SGPP1: variants seen among roughly 807,000 people sequenced by gnomAD.
SGPP1 encodes the protein sphingosine-1-phosphate phosphatase 1, also known as hSPP1.
A neutral mutation model predicts 33.0 loss-of-function variants in SGPP1; 21 were observed. The observed-to-expected ratio is 0.64, with a 90% CI of 0.45 to 0.92. The LOEUF (loss-of-function observed/expected upper bound fraction) is 0.92. SGPP1 is among the 40% of genes least tolerant of loss of function. The probability of loss-of-function intolerance (pLI) is 0.00; values close to 1 mark genes in which losing one functional copy is unlikely to be tolerated. For missense variants in SGPP1, 543 were observed against 589.4 expected, an observed-to-expected ratio of 0.92 and a Z score of 0.81; for synonymous variants, 239 against 241.2, an observed-to-expected ratio of 0.99 and a Z score of 0.08.
intron 1 of SGPP1, among the ~76,000 whole-genome samples, chr14:63,720,058 G>C (rs1383513342): frequency 6.6e-6 from 1 of 151,282 alleles, no homozygotes; most frequent in Non-Finnish European, 1.5e-5. Flanking sequence ...CCCAGGAGGG[G>C]GAGGTTGCAG....
In SGPP1 at chr14:63,727,996, G is replaced by A. The variant is rs1885929230; in HGVS notation, c.-52C>T. On this transcript the variant is annotated 5_prime_UTR_variant, in exon 1 of 3. Coordinates refer to ENST00000247225, the MANE Select transcript of SGPP1 (RefSeq NM_030791.4). ...CCGGCCTCCGGCGCAGCCCCGAACT[G>A]TCCCCGCGCTCCTGGCCAGCGGCAG... 11 of 1,480,556 alleles carry A rather than the reference G, an allele frequency of 7.4e-6. No individual in the cohort carries two copies. Among genetic ancestry groups the A allele is most frequent in the Non-Finnish European group, 8.9e-6 (10 of 1,122,200 alleles). The allele number at this position is 1,480,556 out of a possible 1,614,324, so 91.7% of individuals were successfully genotyped here. A position where few individuals can be genotyped will look rare whatever the true frequency, so the allele number is the denominator to read the frequency against.
chr14:63,723,396 T>C (rs1377215365), intron 1 of SGPP1, among the ~76,000 whole-genome samples: 1 of 152,142 alleles, frequency 6.6e-6, no homozygotes, highest in Non-Finnish European at 1.5e-5. Context: ...GCTATACTAT[T>C]CCAATCTCTC....
Position 63,684,608 on chromosome 14 carries a change from A to G in SGPP1, c.*1497T>C, listed in dbSNP as rs776721700. On this transcript the variant is annotated 3_prime_UTR_variant, in exon 3 of 3. Coordinates refer to ENST00000247225, the MANE Select transcript of SGPP1 (RefSeq NM_030791.4). ...AAATAGTTATGGTGCCCAAAATAGAAACATCTGAAGTGATAGTTCTGGATA... is the reference window on the plus strand; with the variant it reads ...AAATAGTTATGGTGCCCAAAATAGAGACATCTGAAGTGATAGTTCTGGATA... The G allele has an allele frequency of 6.6e-6, 1 of 152,528 alleles. No homozygotes were observed. Among genetic ancestry groups the G allele is most frequent in the Non-Finnish European group, 1.5e-5 (1 of 67,930 alleles). The allele number at this position is 152,528 out of a possible 1,614,324, so 9.4% of individuals were successfully genotyped here. A position where few individuals can be genotyped will look rare whatever the true frequency, so the allele number is the denominator to read the frequency against.
In SGPP1 at chr14:63,684,864, C is replaced by T. The variant is rs1357938150; in HGVS notation, c.*1241G>A. 6.6e-6 allele frequency: 1 copy of T among 152,352 alleles called. No individual in the cohort carries two copies. Among genetic ancestry groups the T allele is most frequent in the Non-Finnish European group, 1.5e-5 (1 of 67,860 alleles). The allele number at this position is 152,352 out of a possible 1,614,324, so 9.4% of individuals were successfully genotyped here. A position where few individuals can be genotyped will look rare whatever the true frequency, so the allele number is the denominator to read the frequency against. The stretch of plus-strand genomic sequence containing the variant: ...TGAAAAAATAATAGGATCTAAAATA[C>T]TGATACTAATTTTAGGTTTTATAAT... On this transcript the variant is annotated 3_prime_UTR_variant, in exon 3 of 3. Transcript: ENST00000247225.
Position 63,693,716 on chromosome 14 carries a change from C to G in SGPP1, c.774+4853G>C, listed in dbSNP as rs531939665. Among the ~76,000 whole-genome samples, 21 of 152,252 alleles carry G rather than the reference C, an allele frequency of 1.4e-4. 1 individual carries two copies. Among genetic ancestry groups the G allele is most frequent in the African/African-American group, 4.1e-4 (17 of 41,552 alleles). On this transcript the variant is annotated intron_variant, in intron 2 of 2. Coordinates refer to ENST00000247225, the MANE Select transcript of SGPP1 (RefSeq NM_030791.4). The stretch of plus-strand genomic sequence containing the variant: ...GCAGCCTCAATCTTCCTGGCTCAAG[C>G]AATCCTCCCACCTTGACCTCGTGAG...
At chr14:63,711,108 G>A (rs961031964) in intron 1 of SGPP1, among the ~76,000 whole-genome samples, 1 of 151,464 alleles carries the variant, frequency 6.6e-6, no homozygotes, top group Non-Finnish European at 1.5e-5. Flanking sequence ...CTGCCTCCCG[G>A]GTTCAAGCGA....
chr14:63,718,726 T>G (rs919850115), intron 1 of SGPP1, among the ~76,000 whole-genome samples: 1 of 151,420 alleles, frequency 6.6e-6, no homozygotes, highest in Non-Finnish European at 1.5e-5. Flanking sequence ...ATATGCCTAC[T>G]AGGTACCCAT....
chr14:63,724,957 G>A (rs1020768159), intron 1 of SGPP1, among the ~76,000 whole-genome samples: 5 of 151,070 alleles, frequency 3.3e-5, no homozygotes, highest in Admixed American at 2.0e-4. Flanking sequence ...TTCGAGACCA[G>A]CCTAGGCAAT....
Position 63,728,010 on chromosome 14 carries a change from G to C in SGPP1, c.-66C>G. The C allele has an allele frequency of 1.4e-6, 2 of 1,435,888 alleles. No homozygotes were observed. Among genetic ancestry groups the C allele is most frequent in the South Asian group, 1.4e-5 (1 of 73,476 alleles). The allele number at this position is 1,435,888 out of a possible 1,614,324, so 88.9% of individuals were successfully genotyped here. On this transcript the variant is annotated 5_prime_UTR_variant, in exon 1 of 3. Coordinates refer to ENST00000247225, the MANE Select transcript of SGPP1 (RefSeq NM_030791.4). ...AGCCCCGAACTGTCCCCGCGCTCCT[G>C]GCCAGCGGCAGCGGAACCGGCACAG...
Position 63,727,871 on chromosome 14 carries a change from C to A in SGPP1, c.74G>T (p.Arg25Leu). ...CGGCGGCGCTTCCACCCCGCACAGCCGCTGGAAACGGGCCACTTTCTGCGG... is the reference window on the plus strand; with the variant it reads ...CGGCGGCGCTTCCACCCCGCACAGCAGCTGGAAACGGGCCACTTTCTGCGG... ...QDPQKVARFQ[R>L]LCGVEAPPRR... is the part of the protein sequence containing the mutation. Residue 25 changes from arginine (R) to leucine (L), a missense_variant, in exon 1 of 3, where the codon CGG becomes CTG. By Grantham distance (102) the Arg-to-Leu change is moderately radical. Transcript: ENST00000247225. 6.6e-7 allele frequency: 1 copy of A among 1,522,928 alleles called. No homozygotes were observed. 94.3% of individuals were successfully genotyped at this position (1,522,928 alleles called of 1,614,324 possible). A position where few individuals can be genotyped will look rare whatever the true frequency, so the allele number is the denominator to read the frequency against.
In SGPP1 at chr14:63,693,803, G is replaced by A. The variant is rs143114016; in HGVS notation, c.774+4766C>T. Among the ~76,000 whole-genome samples the A allele has an allele frequency of 4.3e-3, 656 of 152,066 alleles. 7 individuals carry two copies. The highest frequency in any genetic ancestry group is 0.015 in the African/African-American group (603 of 41,480). Reference sequence around the variant, plus strand: ...TTATTTTTTAATTTTTTATAGAGACGAAGTCTCCCTACATTGCCCAGGTTG... The same window carrying A: ...TTATTTTTTAATTTTTTATAGAGACAAAGTCTCCCTACATTGCCCAGGTTG... On this transcript the variant is annotated intron_variant, in intron 2 of 2. Transcript: ENST00000247225.
chr14:63,721,323 C>T (rs1157662300), intron 1 of SGPP1, among the ~76,000 whole-genome samples: 2 of 151,908 alleles, frequency 1.3e-5, no homozygotes, highest in Non-Finnish European at 2.9e-5. Context: ...ACACACCTGT[C>T]ATCCCAGCTA....
intron 2 of SGPP1, among the ~76,000 whole-genome samples, chr14:63,692,386 A>G (rs566677175): frequency 6.6e-6 from 1 of 152,368 alleles, no homozygotes; most frequent in South Asian, 2.1e-4. Context: ...CACAGTTGTT[A>G]TAAAAATTAA....
chr14:63,712,047 AT>A (rs1438523857), intron 1 of SGPP1, among the ~76,000 whole-genome samples: 3 of 151,368 alleles, frequency 2.0e-5, no homozygotes, highest in Non-Finnish European at 4.4e-5. Flanking sequence ...AAAAAAAAAA[AT>A]CTGAGTACCT....
At chr14:63,717,564 C>T (rs1006618512) in intron 1 of SGPP1, among the ~76,000 whole-genome samples, 14 of 152,050 alleles carry the variant, frequency 9.2e-5, no homozygotes, top group Admixed American at 2.6e-4. Flanking sequence ...CCTCGTGATC[C>T]GCCAGCCTCG....
At chr14:63,704,536 A>C (rs1885366446) in intron 1 of SGPP1, among the ~76,000 whole-genome samples, 1 of 152,170 alleles carries the variant, frequency 6.6e-6, no homozygotes, top group Non-Finnish European at 1.5e-5. Context: ...ACTTAAATAT[A>C]GCAGCTAAAA....
rs1450771717 is a variant in SGPP1 at position 63,685,857 on chromosome 14, T to C, written c.*248A>G. ...ATAAGTTGAATCCATAATACAAAAC[T>C]CTCCAAACATTACATGAACATTCTA... On this transcript the variant is annotated 3_prime_UTR_variant, in exon 3 of 3. Transcript: ENST00000247225. 1 of 221,502 alleles carries C rather than the reference T, an allele frequency of 4.5e-6. No homozygotes were observed. Among genetic ancestry groups the C allele is most frequent in the East Asian group, 9.0e-5 (1 of 11,170 alleles). The allele number at this position is 221,502 out of a possible 1,614,324, so 13.7% of individuals were successfully genotyped here.
At chr14:63,688,315 C>CAAA (rs71120275) in intron 2 of SGPP1, among the ~76,000 whole-genome samples, 32 of 31,408 alleles carry the variant, frequency 1.0e-3, no homozygotes, top group Non-Finnish European at 1.7e-3. Context: ...GACTCTGTCT[C>CAAA]AAAAAAAAAA....
Position 63,689,485 on chromosome 14 carries a change from A to G in SGPP1, c.775-2829T>C, listed in dbSNP as rs11847370. 7.5e-3 allele frequency among the ~76,000 whole-genome samples: 1,142 copies of G among 152,074 alleles called. 10 individuals carry two copies. The highest frequency in any genetic ancestry group is 0.026 in the African/African-American group (1,073 of 41,488). On this transcript the variant is annotated intron_variant, in intron 2 of 2. Transcript: ENST00000247225. ...CTATTTTTTCAAATCGTTTTACCAC[A>G]TATCTTCAAGCAAAATATTATCTAG...
Sources: gnomAD v4.1 joint callset for allele counts (sites outside exome capture counted in the v4.1 genomes callset) on GRCh38, gnomAD v4.1.1 for gene constraint, MANE v1.5 for transcripts, NCBI Gene and HGNC (gene_info 2026-07-23, HGNC 2026-07-21) for gene names.